Variants in PPP2CA observed in about 807,000 individuals in gnomAD.
PPP2CA encodes the protein serine/threonine-protein phosphatase 2A catalytic subunit alpha isoform.
PPP2CA carries 5 observed loss-of-function variants against 38.8 expected under a neutral mutation model. The ratio of observed to expected loss-of-function variants is 0.13; its 90% CI spans 0.07 to 0.27. PPP2CA has a LOEUF of 0.27. Among genes scored for constraint, PPP2CA ranks in the 10% least tolerant of loss-of-function variants. The pLI is 1.00. For synonymous variants in PPP2CA, 152 were observed against 134.0 expected (o/e 1.13, Z -0.93); for missense variants, 88 against 389.7 (o/e 0.23, Z 6.52).
intron 1 of PPP2CA, 109 bp from the exon 2 acceptor site, chr5:134,206,240 T>C (rs1175622668): frequency 1.1e-6 from 1 of 923,858 alleles, no homozygotes; most frequent in African/African-American, 1.7e-5. Context: ...CAGTCTAAGA[T>C]AAAATTGCAG....
chr5:134,206,220 G>A (rs1387396789), intron 1 of PPP2CA, 89 bp from the exon 2 acceptor site: 1 of 1,116,482 alleles, frequency 9.0e-7, no homozygotes, highest in South Asian at 1.4e-5. Context: ...TGTAGCTTAA[G>A]GGGCAGACTC....
intron 1 of PPP2CA, among the ~76,000 whole-genome samples, chr5:134,221,739 G>A (rs1200059812): frequency 1.3e-5 from 2 of 152,098 alleles, no homozygotes; most frequent in Admixed American, 1.3e-4. Context: ...GGAGGCTGAG[G>A]TGGGTGGATC....
At position 134,209,011 on chromosome 5, in the gene PPP2CA, G is replaced by C. The variant is rs146749077; in HGVS notation, c.103-2880C>G. Among the ~76,000 whole-genome samples, 492 of 152,102 alleles carry C rather than the reference G, an allele frequency of 3.2e-3. 1 individual carries two copies. Among genetic ancestry groups the C allele is most frequent in the African/African-American group, 0.011 (447 of 41,500 alleles). ...TTTTCTCCTCTGTATACATATGCAG[G>C]CACATTTCCTGAGAGAAGATACTAT... On this transcript the variant is annotated intron_variant, in intron 1 of 6. Transcript: ENST00000481195.
At chr5:134,197,944 C>T (rs1053374934) in intron 6 of PPP2CA, 100 bp from the exon 7 acceptor site, 8 of 989,244 alleles carry the variant, frequency 8.1e-6, no homozygotes, top group Admixed American at 1.9e-5. Context: ...ACTTCCTATT[C>T]AATTTTGGCT....
At chr5:134,197,925 A>G (rs1761888882) in intron 6 of PPP2CA, 81 bp from the exon 7 acceptor site, 4 of 1,174,270 alleles carry the variant, frequency 3.4e-6, no homozygotes, top group Non-Finnish European at 5.1e-6. Context: ...TGAGTCTTCC[A>G]AACTTTACAC....
chr5:134,203,787 C>T (rs549735772), intron 2 of PPP2CA, among the ~76,000 whole-genome samples: 15 of 152,222 alleles, frequency 9.9e-5, no homozygotes, highest in Admixed American at 2.0e-4. Context: ...AGTGGAGTAG[C>T]TCACCGCAGC....
At chr5:134,204,149 C>T (rs1013319019) in intron 2 of PPP2CA, among the ~76,000 whole-genome samples, 3 of 152,230 alleles carry the variant, frequency 2.0e-5, no homozygotes, top group African/African-American at 7.2e-5. Context: ...ATTCAGCTCA[C>T]GCTAAAACCA....
chr5:134,210,645 AC>A (rs1325430431), intron 1 of PPP2CA, among the ~76,000 whole-genome samples: 1 of 152,186 alleles, frequency 6.6e-6, no homozygotes, highest in Non-Finnish European at 1.5e-5. Flanking sequence ...AGAGCTTGAG[AC>A]CAGCCTGACC....
chr5:134,199,386 C>A, intron 5 of PPP2CA, 182 bp from the exon 6 acceptor site: 3 of 381,590 alleles, frequency 7.9e-6, no homozygotes, highest in Non-Finnish European at 1.4e-5. Context: ...CTGTAAGGTA[C>A]ACATGTATTT....
intron 1 of PPP2CA, among the ~76,000 whole-genome samples, chr5:134,223,985 A>T (rs1001829966): frequency 4.6e-5 from 7 of 152,218 alleles, no homozygotes; most frequent in Non-Finnish European, 7.3e-5. Context: ...GCTGTCCCAA[A>T]GTCTGTCACA....
chr5:134,211,682 G>A (rs902050756), intron 1 of PPP2CA, among the ~76,000 whole-genome samples: 1 of 146,874 alleles, frequency 6.8e-6, no homozygotes, highest in African/African-American at 2.5e-5. Flanking sequence ...TCACCATCTT[G>A]CCCAGGCTGG....
chr5:134,202,045 T>TA (rs771159913), intron 2 of PPP2CA, 24 bp from the exon 3 acceptor site: 4 of 1,552,756 alleles, frequency 2.6e-6, no homozygotes, highest in South Asian at 1.2e-5. Flanking sequence ...ATGCAAAACA[T>TA]AAACAACTAG....
chr5:134,221,285 G>C (rs1397620955), intron 1 of PPP2CA, among the ~76,000 whole-genome samples: 1 of 152,090 alleles, frequency 6.6e-6, no homozygotes, highest in African/African-American at 2.4e-5. Flanking sequence ...CTAATTTTTT[G>C]TATTTTTAAG....
At chr5:134,221,297 A>G (rs1762437072) in intron 1 of PPP2CA, among the ~76,000 whole-genome samples, 3 of 152,174 alleles carry the variant, frequency 2.0e-5, no homozygotes, top group Admixed American at 6.5e-5. Context: ...ATTTTTAAGT[A>G]GAGACGGGGC....
rs183887998 is a variant in PPP2CA at position 134,198,941 on chromosome 5, T to C, written c.857+145A>G. On this transcript the variant is annotated intron_variant, in intron 6 of 6. Coordinates refer to ENST00000481195, the MANE Select transcript of PPP2CA (RefSeq NM_002715.4). ...TCTTATACTTGTAACCCCAACACTC[T>C]AGGAGGCCAAGGTGAAAGGATCACT... 2,108 of 641,968 alleles carry C rather than the reference T, an allele frequency of 3.3e-3. 23 individuals carry two copies. Among genetic ancestry groups the C allele is most frequent in the Non-Finnish European group, 1.9e-3 (699 of 364,132 alleles). 39.8% of individuals were successfully genotyped at this position (641,968 alleles called of 1,614,324 possible). A position where few individuals can be genotyped will look rare whatever the true frequency, so the allele number is the denominator to read the frequency against.
At chr5:134,208,201 T>C (rs926292189) in intron 1 of PPP2CA, among the ~76,000 whole-genome samples, 6 of 152,234 alleles carry the variant, frequency 3.9e-5, no homozygotes, top group Admixed American at 2.0e-4. Context: ...AGAAGTTAAA[T>C]GTTAATATAC....
At chr5:134,204,184 GGA>G (rs1166017402) in intron 2 of PPP2CA, among the ~76,000 whole-genome samples, 1 of 152,130 alleles carries the variant, frequency 6.6e-6, no homozygotes, top group African/African-American at 2.4e-5. Flanking sequence ...TCTAATATTA[GGA>G]AAGTCTGTGA....
intron 1 of PPP2CA, among the ~76,000 whole-genome samples, chr5:134,220,548 A>C (rs1327495725): frequency 6.7e-6 from 1 of 149,224 alleles, no homozygotes; most frequent in Non-Finnish European, 1.5e-5. Flanking sequence ...GTATGAGTGG[A>C]GGTTGACAGC....
intron 1 of PPP2CA, among the ~76,000 whole-genome samples, chr5:134,216,660 C>A (rs530964926): frequency 1.3e-5 from 2 of 150,998 alleles, no homozygotes; most frequent in African/African-American, 2.4e-5. Flanking sequence ...TTATACTTAA[C>A]TAAAGAAACC....
Sources: gnomAD v4.1 joint callset for allele counts (sites outside exome capture counted in the v4.1 genomes callset) on GRCh38, gnomAD v4.1.1 for gene constraint, MANE v1.5 for transcripts, NCBI Gene and HGNC (gene_info 2026-07-23, HGNC 2026-07-21) for gene names.